SAP30L: variants seen among roughly 807,000 people sequenced by gnomAD.
SAP30L encodes histone deacetylase complex subunit SAP30L.
SAP30L carries 10 observed loss-of-function variants against 22.3 expected under a neutral mutation model. That is an observed-to-expected ratio of 0.45 (90% CI 0.28 to 0.76). The LOEUF (loss-of-function observed/expected upper bound fraction) is 0.76, where lower values mean the gene tolerates loss of function less well. Ranked by LOEUF, SAP30L falls within the 30% of genes least tolerant of loss-of-function variation. SAP30L has a pLI of 0.14. For missense variants in SAP30L, 206 were observed against 237.9 expected, an observed-to-expected ratio of 0.87 and a Z score of 0.88; for synonymous variants, 91 against 94.1, an observed-to-expected ratio of 0.97 and a Z score of 0.19.
chr5:154,447,865 A>G (rs751801424), intron 1 of SAP30L, among the ~76,000 whole-genome samples: 1 of 151,764 alleles, frequency 6.6e-6, no homozygotes, highest in Non-Finnish European at 1.5e-5. Context: ...TTTCTTAAAG[A>G]TATTATCTAA....
chr5:154,459,429 C>T lies in SAP30L; in HGVS notation c.*3401C>T, dbSNP rs1288674309. The T allele has an allele frequency of 6.6e-6, 1 of 152,254 alleles. No individual in the cohort carries two copies. Among genetic ancestry groups the T allele is most frequent in the Non-Finnish European group, 1.5e-5 (1 of 68,060 alleles). The allele number at this position is 152,254 out of a possible 1,614,324, so 9.4% of individuals were successfully genotyped here. On this transcript the variant is annotated 3_prime_UTR_variant, in exon 4 of 4. Transcript: ENST00000297109. ...GTAATTTCCATCTTAGTCTCTGCCC[C>T]ATGGGGGCCACATGGGACAAGTTAT...
At chr5:154,449,611 CTT>C (rs1757097248) in intron 1 of SAP30L, among the ~76,000 whole-genome samples, 1 of 152,196 alleles carries the variant, frequency 6.6e-6, no homozygotes, top group Non-Finnish European at 1.5e-5. Flanking sequence ...GGAGGGCTAG[CTT>C]CCTCTCAGGG....
chr5:154,460,682 T>C lies in SAP30L; in HGVS notation c.*4654T>C, dbSNP rs1413727035. ...CTTAAAACACAAACCCTTCAGTTGC[T>C]TTCACTTAATGCACACATTTGCCAA... On this transcript the variant is annotated 3_prime_UTR_variant, in exon 4 of 4. Transcript: ENST00000297109. 2.6e-5 allele frequency: 4 copies of C among 152,260 alleles called. No individual in the cohort carries two copies. The highest frequency in any genetic ancestry group is 4.4e-5 in the Non-Finnish European group (3 of 68,044). The allele number at this position is 152,260 out of a possible 1,614,324, so 9.4% of individuals were successfully genotyped here. A position where few individuals can be genotyped will look rare whatever the true frequency, so the allele number is the denominator to read the frequency against.
chr5:154,449,641 T>C (rs1166505188), intron 1 of SAP30L, among the ~76,000 whole-genome samples: 1 of 152,188 alleles, frequency 6.6e-6, no homozygotes, highest in Non-Finnish European at 1.5e-5. Context: ...GTGTGCTTTG[T>C]TGTGCTTTCT....
At chr5:154,451,466 A>G in intron 2 of SAP30L, 2 of 506,424 alleles carry the variant, frequency 3.9e-6, no homozygotes, top group South Asian at 5.9e-5. Flanking sequence ...TGGAGGCTCT[A>G]GTCTAGGGCC....
rs1757342902 is a variant in SAP30L at position 154,460,090 on chromosome 5, G to A, written c.*4062G>A. 1 of 152,196 alleles carries A rather than the reference G, an allele frequency of 6.6e-6. No homozygotes were observed. Among genetic ancestry groups the A allele is most frequent in the Non-Finnish European group, 1.5e-5 (1 of 68,034 alleles). 9.4% of individuals were successfully genotyped at this position (152,196 alleles called of 1,614,324 possible). On this transcript the variant is annotated 3_prime_UTR_variant, in exon 4 of 4. Transcript: ENST00000297109. ...TGACCTATAGGATGACTCTAATTCA[G>A]TCTAAATCGGCTGCCCTCAGATTCT...
At chr5:154,447,963 C>CTTTTTTTTTTTTT (rs1334594389) in intron 1 of SAP30L, among the ~76,000 whole-genome samples, 1 of 114,674 alleles carries the variant, frequency 8.7e-6, no homozygotes, top group Non-Finnish European at 1.8e-5. Context: ...TTTTTTTTTT[C>CTTTTTTTTTTTTT]TTTTTCTTTT....
chr5:154,454,280 C>T (rs539786112), intron 3 of SAP30L, among the ~76,000 whole-genome samples: 1 of 152,250 alleles, frequency 6.6e-6, no homozygotes, highest in South Asian at 2.1e-4. Flanking sequence ...TTCTCCTGCC[C>T]TGAGTTATTA....
chr5:154,451,200 C>A lies in SAP30L; in HGVS notation c.311C>A (p.Thr104Asn). The A allele has an allele frequency of 6.2e-7, 1 of 1,613,854 alleles. No individual in the cohort carries two copies. Among genetic ancestry groups the A allele is most frequent in the Non-Finnish European group, 8.5e-7 (1 of 1,179,940 alleles). Residue 104 changes from threonine to asparagine, a missense_variant, in exon 2 of 4, where the codon ACT becomes AAT. By Grantham distance (65) the Thr-to-Asn change is moderately conservative. Coordinates refer to ENST00000297109, the MANE Select transcript of SAP30L (RefSeq NM_024632.6). ...GGCGGAGATTCTCCCGAGCACGACA[C>A]TGACATTCCTGAGGTAAAGGTCAAA... is the stretch of plus-strand genomic sequence containing the variant. ...DDGGDSPEHD[T>N]DIPEVDLFQL...
Position 154,453,471 on chromosome 5 carries a change from C to A in SAP30L, c.394C>A (p.Pro132Thr). 6.2e-7 allele frequency: 1 copy of A among 1,613,936 alleles called. No homozygotes were observed. The highest frequency in any genetic ancestry group is 8.5e-7 in the Non-Finnish European group (1 of 1,179,826). Residue 132 changes from proline to threonine, a missense_variant, in exon 3 of 4, where the codon CCA becomes ACA. Around this residue, in one of 2 missense-constraint regions of SAP30L, gnomAD observed 136 missense variants for 187.4 expected, o/e 0.73. Transcript: ENST00000297109. ...ACGACACTACAAGTTGCAGACCAGA[C>A]CAGGCTTCAATAAGGCCCAGTTAGC... Reference protein sequence around the residue: ...YKRHYKLQTRPGFNKAQLAET... With the variant: ...YKRHYKLQTRTGFNKAQLAET...
Position 154,449,463 on chromosome 5 carries a change from G to A in SAP30L, c.202-1628G>A, listed in dbSNP as rs183798325. ...TAAGTTCTCTTACAGCTAGGATTCC[G>A]TTATTCTATTGTCCTGATCTGAAAT... is the stretch of plus-strand genomic sequence containing the variant. On this transcript the variant is annotated intron_variant, in intron 1 of 3. Coordinates refer to ENST00000297109, the MANE Select transcript of SAP30L (RefSeq NM_024632.6). Among the ~76,000 whole-genome samples, 131 of 152,232 alleles carry A rather than the reference G, an allele frequency of 8.6e-4. 1 individual carries two copies. Among genetic ancestry groups the A allele is most frequent in the Non-Finnish European group, 1.6e-3 (110 of 68,022 alleles).
At position 154,446,823 on chromosome 5, in the gene SAP30L, C is replaced by G. The variant is rs1757023682; in HGVS notation, c.201+18C>G. ...ACAAGAGCGTGAGTCCGCCCCCGCT[C>G]GCGTCTGGGCCCCGGCGCCCCCAGC... is the stretch of plus-strand genomic sequence containing the variant. On this transcript the variant is annotated intron_variant, in intron 1 of 3. Transcript: ENST00000297109. 6.3e-7 allele frequency: 1 copy of G among 1,587,400 alleles called. No individual in the cohort carries two copies. The highest frequency in any genetic ancestry group is 8.6e-7 in the Non-Finnish European group (1 of 1,166,812).
intron 2 of SAP30L, chr5:154,452,382 A>AAAAT: frequency 2.0e-6 from 1 of 506,240 alleles, no homozygotes; most frequent in Non-Finnish European, 2.5e-6. Context: ...AAAAAAAAAA[A>AAAAT]GGTTTTGAGG....
chr5:154,455,008 C>T (rs1487936683), intron 3 of SAP30L, among the ~76,000 whole-genome samples: 1 of 152,062 alleles, frequency 6.6e-6, no homozygotes, highest in Non-Finnish European at 1.5e-5. Flanking sequence ...CAGCCTCCAC[C>T]TCCCGGGTTC....
intron 3 of SAP30L, 117 bp downstream of exon 3, chr5:154,453,617 A>G (rs1033460735): frequency 4.1e-6 from 3 of 739,596 alleles, no homozygotes; most frequent in African/African-American, 3.5e-5. Flanking sequence ...GAGTTCTGGA[A>G]GCAACTCTGT....
chr5:154,455,607 A>G (rs1757247418), intron 3 of SAP30L, among the ~76,000 whole-genome samples: 1 of 152,154 alleles, frequency 6.6e-6, no homozygotes, highest in Admixed American at 6.5e-5. Context: ...CTCCATGAGT[A>G]TGACTGTGAA....
rs1374907483 is a variant in SAP30L, at chr5:154,456,752, G to A, written c.*724G>A. The stretch of plus-strand genomic sequence containing the variant: ...GATAAGGATTTCAGGACAGTTGCAT[G>A]TGCAAAACTATTCGTTGAGGTTCCA... On this transcript the variant is annotated 3_prime_UTR_variant, in exon 4 of 4. Coordinates refer to ENST00000297109, the MANE Select transcript of SAP30L (RefSeq NM_024632.6). The A allele has an allele frequency of 6.6e-6, 1 of 152,276 alleles. No homozygotes were observed. Among genetic ancestry groups the A allele is most frequent in the Non-Finnish European group, 1.5e-5 (1 of 68,062 alleles). 9.4% of individuals were successfully genotyped at this position (152,276 alleles called of 1,614,324 possible). A position where few individuals can be genotyped will look rare whatever the true frequency, so the allele number is the denominator to read the frequency against.
chr5:154,455,593 TCTC>T (rs1430554901), intron 3 of SAP30L, among the ~76,000 whole-genome samples: 1 of 152,140 alleles, frequency 6.6e-6, no homozygotes. Flanking sequence ...AGTCCCAGTC[TCTC>T]CTCCATGAGT....
intron 1 of SAP30L, among the ~76,000 whole-genome samples, chr5:154,447,969 CTTTT>C (rs140213326): frequency 2.3e-4 from 20 of 88,372 alleles, no homozygotes; most frequent in South Asian, 1.7e-3. Flanking sequence ...TTTTCTTTTT[CTTTT>C]TTTTTTTTTT....
Sources: allele counts gnomAD v4.1 joint callset (sites outside exome capture counted in the v4.1 genomes callset), GRCh38; gene constraint gnomAD v4.1.1; regional missense constraint gnomAD v4.1.1; transcripts MANE v1.5; gene names NCBI Gene and HGNC (gene_info 2026-07-23, HGNC 2026-07-21).